Variants in MACROD2 observed in about 807,000 individuals in gnomAD.
MACROD2 encodes the protein ADP-ribose glycohydrolase MACROD2.
Under a neutral mutation model 70.4 loss-of-function variants are expected in MACROD2, and 36 were observed. The observed-to-expected ratio is 0.51, with a 90% confidence interval of 0.39 to 0.68. MACROD2 has a LOEUF of 0.68. MACROD2 is among the 30% of genes least tolerant of loss of function. The pLI, the probability that MACROD2 is intolerant of heterozygous loss-of-function variation, is 0.00. For missense variants in MACROD2, 496 were observed against 538.4 expected (o/e 0.92, Z 0.78); for synonymous variants, 172 against 178.8 (o/e 0.96, Z 0.30).
At chr20:14,777,165 G>A (rs184544210) in intron 5 of MACROD2, among the ~76,000 whole-genome samples, 172 of 152,158 alleles carry the variant, frequency 1.1e-3, no homozygotes, top group Non-Finnish European at 1.9e-3. Flanking sequence ...AAGCATTCTT[G>A]CATGCCTAGG....
intron 4 of MACROD2, among the ~76,000 whole-genome samples, chr20:14,615,882 A>G (rs1983450125): frequency 1.3e-5 from 2 of 152,136 alleles, no homozygotes; most frequent in South Asian, 2.1e-4. Context: ...GGCAGTGTAG[A>G]TGTACGTGGG....
intron 4 of MACROD2, among the ~76,000 whole-genome samples, chr20:14,625,469 G>A (rs765743250): frequency 1.3e-5 from 2 of 152,022 alleles, no homozygotes; most frequent in African/African-American, 2.4e-5. Context: ...AATCACCACC[G>A]AAAAAGCTCT....
chr20:15,941,037 G>A lies in MACROD2; in HGVS notation c.907+3493G>A, dbSNP rs139622690. Among the ~76,000 whole-genome samples, 1,145 of 152,268 alleles carry A rather than the reference G, an allele frequency of 7.5e-3. 14 individuals are homozygous for A. The highest frequency in any genetic ancestry group is 0.026 in the African/African-American group (1,066 of 41,562). ...AATTTGGAGATATCACACCTTCACAGAAGCACACTGTTTGTGATGTTTCTT... is the reference window on the plus strand; with the variant it reads ...AATTTGGAGATATCACACCTTCACAAAAGCACACTGTTTGTGATGTTTCTT... On this transcript the variant is annotated intron_variant, in intron 12 of 17. Transcript: ENST00000684519.
chr20:14,338,668 A>G (rs1377108215), intron 3 of MACROD2, among the ~76,000 whole-genome samples: 3 of 152,174 alleles, frequency 2.0e-5, no homozygotes, highest in Non-Finnish European at 4.4e-5. Flanking sequence ...TTAGATATAA[A>G]CATCTTAAGA....
At chr20:14,131,958 C>T (rs997507490) in intron 3 of MACROD2, among the ~76,000 whole-genome samples, 1 of 151,732 alleles carries the variant, frequency 6.6e-6, no homozygotes, top group Non-Finnish European at 1.5e-5. Context: ...GGTGAAACCC[C>T]GTCTCTACTA....
chr20:14,281,338 A>G (rs2082304749), intron 3 of MACROD2, among the ~76,000 whole-genome samples: 1 of 152,220 alleles, frequency 6.6e-6, no homozygotes, highest in Admixed American at 6.5e-5. Context: ...ATATTGTATC[A>G]TTCCATTTAC....
intron 4 of MACROD2, chr20:14,547,282 T>A (rs1600370547): frequency 2.5e-6 from 1 of 401,056 alleles, no homozygotes; most frequent in Non-Finnish European, 4.0e-6. Context: ...TATATAATCC[T>A]CATGATAAAT....
intron 3 of MACROD2, among the ~76,000 whole-genome samples, chr20:14,251,036 A>G (rs961086986): frequency 6.6e-5 from 10 of 152,150 alleles, no homozygotes; most frequent in African/African-American, 2.4e-4. Flanking sequence ...GACATTTTAA[A>G]CAGATTTTGA....
At chr20:14,003,147 A>C (rs2052757884) in intron 2 of MACROD2, among the ~76,000 whole-genome samples, 1 of 152,184 alleles carries the variant, frequency 6.6e-6, no homozygotes, top group African/African-American at 2.4e-5. Context: ...TATGAAATGG[A>C]CTTGAAACAT....
intron 5 of MACROD2, among the ~76,000 whole-genome samples, chr20:14,983,727 T>A (rs1390204346): frequency 6.6e-6 from 1 of 152,166 alleles, no homozygotes; most frequent in Non-Finnish European, 1.5e-5. Context: ...CTCGGGTATG[T>A]CTTTATCAAG....
At chr20:14,840,226 C>T (rs1013193019) in intron 5 of MACROD2, among the ~76,000 whole-genome samples, 7 of 151,930 alleles carry the variant, frequency 4.6e-5, no homozygotes, top group East Asian at 1.9e-4. Context: ...TTACTAGAGA[C>T]GGGGTTTCGC....
chr20:14,813,520 A>G (rs1207261962), intron 5 of MACROD2, among the ~76,000 whole-genome samples: 1 of 152,102 alleles, frequency 6.6e-6, no homozygotes, highest in African/African-American at 2.4e-5. Flanking sequence ...ATGTCCCTGC[A>G]AAGGGCATGA....
At chr20:15,651,143 A>T (rs1483774448) in intron 8 of MACROD2, among the ~76,000 whole-genome samples, 2 of 152,216 alleles carry the variant, frequency 1.3e-5, no homozygotes, top group Admixed American at 1.3e-4. Context: ...TCTGAGGCAA[A>T]CAACATTTCT....
At chr20:15,119,283 G>A (rs1157913624) in intron 5 of MACROD2, among the ~76,000 whole-genome samples, 1 of 151,992 alleles carries the variant, frequency 6.6e-6, no homozygotes, top group Non-Finnish European at 1.5e-5. Context: ...CTTTTCCTTG[G>A]GTTAAAGGTT....
chr20:15,597,721 C>G (rs572490765), intron 8 of MACROD2, among the ~76,000 whole-genome samples: 1 of 152,334 alleles, frequency 6.6e-6, no homozygotes, highest in East Asian at 1.9e-4. Context: ...TTTCTGTTCT[C>G]TGCCCTCTGC....
intron 8 of MACROD2, among the ~76,000 whole-genome samples, chr20:15,825,036 A>AT: frequency 6.6e-6 from 1 of 152,278 alleles, no homozygotes; most frequent in East Asian, 1.9e-4. Context: ...GCCACCTGTG[A>AT]TTTTTCTAAT....
rs926112925 is a variant in MACROD2 at position 15,205,891 on chromosome 20, A to G, written c.419-24049A>G. The stretch of plus-strand genomic sequence containing the variant: ...TGCCAAAAAGCAAATGAGCTGAGAC[A>G]TATTGTTTTGGGCATCTCTGGGTAA... On this transcript the variant is annotated intron_variant, in intron 5 of 17. Coordinates refer to ENST00000684519, the MANE Select transcript of MACROD2 (RefSeq NM_001351661.2). 6.6e-5 allele frequency among the ~76,000 whole-genome samples: 10 copies of G among 152,230 alleles called. No individual in the cohort carries two copies. The East Asian group carries it at 1.3e-3, about 21-fold the overall frequency.
intron 5 of MACROD2, among the ~76,000 whole-genome samples, chr20:15,148,478 G>T (rs574610301): frequency 5.9e-4 from 89 of 152,114 alleles, no homozygotes; most frequent in Admixed American, 1.0e-3. Context: ...GTGGCGGTTT[G>T]GGGATAGCAT....
At chr20:14,523,530 A>G (rs2085194808) in intron 4 of MACROD2, 1 of 152,100 alleles carries the variant, frequency 6.6e-6, no homozygotes, top group Non-Finnish European at 1.5e-5. Context: ...AACTATCTCT[A>G]AACATTTTCT....
Sources: gnomAD v4.1 joint callset for allele counts (sites outside exome capture counted in the v4.1 genomes callset) on GRCh38, gnomAD v4.1.1 for gene constraint, MANE v1.5 for transcripts, NCBI Gene and HGNC (gene_info 2026-07-23, HGNC 2026-07-21) for gene names.